The following IL1RAPL1 variants were observed in gnomAD, a reference collection of about 807,000 sequenced individuals.
The protein encoded by IL1RAPL1 is interleukin 1 receptor accessory protein like 1, also known as interleukin-1 receptor accessory protein-like 1.
IL1RAPL1 carries 3 observed loss-of-function variants against 48.4 expected under a neutral mutation model. The observed-to-expected ratio is 0.06, with a 90% CI of 0.03 to 0.16. The LOEUF (loss-of-function observed/expected upper bound fraction) is 0.16, where lower values mean the gene tolerates loss of function less well. Among genes scored for constraint, IL1RAPL1 ranks in the 10% least tolerant of loss-of-function variants. The probability of loss-of-function intolerance (pLI) is 1.00; values close to 1 mark genes in which losing one functional copy is unlikely to be tolerated. For missense variants in IL1RAPL1, 349 were observed against 530.6 expected (o/e 0.66, Z 3.36); for synonymous variants, 185 against 187.7 (o/e 0.99, Z 0.12).
rs747374108 is a variant in IL1RAPL1, at chrX:28,734,425, C to G, written c.-24-54895C>G. 4.5e-5 allele frequency among the ~76,000 whole-genome samples: 5 copies of G among 111,533 alleles called. No individual in the cohort carries two copies. The South Asian group carries it at 1.9e-3, about 43-fold the overall frequency. ...TAGCCACAGTGACACCTCACTGTTTCTGAAACATGCTAGACATGTGCCTAC... is the reference window on the plus strand; with the variant it reads ...TAGCCACAGTGACACCTCACTGTTTGTGAAACATGCTAGACATGTGCCTAC... On this transcript the variant is annotated intron_variant, in intron 1 of 10. Coordinates refer to ENST00000378993, the MANE Select transcript of IL1RAPL1 (RefSeq NM_014271.4).
At chrX:29,173,075 T>G (rs1929939957) in intron 2 of IL1RAPL1, among the ~76,000 whole-genome samples, 1 of 111,275 alleles carries the variant, frequency 9.0e-6, no homozygotes, top group East Asian at 2.8e-4. Flanking sequence ...CAGATCCCAG[T>G]GTACTTGATA....
intron 2 of IL1RAPL1, among the ~76,000 whole-genome samples, chrX:29,137,249 C>T (rs1039289553): frequency 1.8e-5 from 1 of 54,279 alleles, no homozygotes; most frequent in African/African-American, 7.8e-5. Context: ...TACACACACA[C>T]ACTTGCGCTC....
chrX:29,934,382 T>C (rs1361617414), intron 8 of IL1RAPL1, among the ~76,000 whole-genome samples: 1 of 112,134 alleles, frequency 8.9e-6, no homozygotes, highest in Non-Finnish European at 1.9e-5. Context: ...TCTGGGAAGA[T>C]GAAATTGAAG....
chrX:29,773,939 T>A (rs1230118506), intron 6 of IL1RAPL1, among the ~76,000 whole-genome samples: 2 of 112,198 alleles, frequency 1.8e-5, no homozygotes, highest in Non-Finnish European at 3.8e-5. Context: ...TTATGCCTCA[T>A]GCACATGTAA....
At position 29,668,458 on chromosome X, in the gene IL1RAPL1, T is replaced by C; in HGVS notation, c.732T>C (p.Leu244=). 1 of 1,210,052 alleles carries C rather than the reference T, an allele frequency of 8.3e-7. No individual in the cohort carries two copies. The highest frequency in any genetic ancestry group is 1.1e-6 in the Non-Finnish European group (1 of 893,898). Residue 244 remains leucine, a synonymous_variant, in exon 6 of 11, where the codon CTT becomes CTC. Transcript: ENST00000378993. ...TAPLTDKPPK[L]LYPMESKLTI... is the part of the protein sequence containing the mutation. ...CTCTGACTGATAAGCCACCCAAGCT[T>C]TTGTATCCTATGGAAAGTAAACTGA...
chrX:29,001,774 T>C (rs1449538364), intron 2 of IL1RAPL1, among the ~76,000 whole-genome samples: 1 of 111,499 alleles, frequency 9.0e-6, no homozygotes. Context: ...CATTCTGAGA[T>C]CATCAGATAT....
intron 1 of IL1RAPL1, among the ~76,000 whole-genome samples, chrX:28,726,483 T>A (rs1041986107): frequency 2.2e-4 from 25 of 112,491 alleles, no homozygotes; most frequent in African/African-American, 7.8e-4. Flanking sequence ...CCAATATTTT[T>A]GTAGTGACTG....
chrX:29,565,234 A>G (rs1443789273), intron 5 of IL1RAPL1, among the ~76,000 whole-genome samples: 1 of 111,694 alleles, frequency 9.0e-6, no homozygotes, highest in Non-Finnish European at 1.9e-5. Flanking sequence ...TACGCAGGGT[A>G]TGAAATTACT....
intron 1 of IL1RAPL1, among the ~76,000 whole-genome samples, chrX:28,662,741 C>T (rs1018217152): frequency 4.6e-4 from 51 of 111,365 alleles, no homozygotes; most frequent in African/African-American, 1.5e-3. Context: ...CTTTCTCTGT[C>T]GGACAACAAA....
Position 28,953,556 on chromosome X carries a change from C to T in IL1RAPL1, c.82+164131C>T, listed in dbSNP as rs924328519. On this transcript the variant is annotated intron_variant, in intron 2 of 10. Coordinates refer to ENST00000378993, the MANE Select transcript of IL1RAPL1 (RefSeq NM_014271.4). ...TTTAAGTTCTTTATAAAAATACATACATTACAAAGTAATAATACGTAGAGG... is the reference window on the plus strand; with the variant it reads ...TTTAAGTTCTTTATAAAAATACATATATTACAAAGTAATAATACGTAGAGG... Among the ~76,000 whole-genome samples the T allele has an allele frequency of 3.6e-5, 4 of 111,265 alleles. No individual in the cohort carries two copies. The Admixed American group carries it at 3.9e-4, about 11-fold the overall frequency.
At chrX:29,948,678 C>A (rs781238770) in intron 9 of IL1RAPL1, among the ~76,000 whole-genome samples, 1 of 110,484 alleles carries the variant, frequency 9.1e-6, no homozygotes, top group Non-Finnish European at 1.9e-5. Context: ...ATATGCCACA[C>A]TTAAACATAC....
At chrX:29,938,291 A>T (rs1436154503) in intron 8 of IL1RAPL1, among the ~76,000 whole-genome samples, 2 of 112,240 alleles carry the variant, frequency 1.8e-5, no homozygotes, top group Non-Finnish European at 3.8e-5. Context: ...TCTGGAGAAA[A>T]TGAGAGTTCT....
At position 29,906,338 on chromosome X, in the gene IL1RAPL1, A is replaced by AAAAAC. The variant is rs1555934047; in HGVS notation, c.779-11123_779-11122insACAAA. Among the ~76,000 whole-genome samples, 5 of 94,213 alleles carry AAAAAC rather than the reference A, an allele frequency of 5.3e-5. 1 individual carries two copies. In the East Asian group the frequency reaches 1.6e-3, roughly 30 times the overall value. The allele number at this position is 94,213 out of a possible 115,157, so 81.8% of individuals were successfully genotyped here. On this transcript the variant is annotated intron_variant, in intron 6 of 10. Transcript: ENST00000378993. ...TGATAGAGCGAGACTCTGTCTCAAA[A>AAAAAC]AAACAAACAAACAACAAAAAAAAAA...
At chrX:28,644,447 G>A (rs1934584402) in intron 1 of IL1RAPL1, among the ~76,000 whole-genome samples, 1 of 111,389 alleles carries the variant, frequency 9.0e-6, no homozygotes, top group African/African-American at 3.3e-5. Context: ...CCTGAAGGAC[G>A]CAAGCAATTA....
In IL1RAPL1 at chrX:28,980,899, G is replaced by A. The variant is rs1329212575; in HGVS notation, c.82+191474G>A. Reference sequence around the variant, plus strand: ...AGCGCAAGAGTTTGAGTCCAGTCTGGGCAACATAGCAAGATCATGTCTCTA... The same window carrying A: ...AGCGCAAGAGTTTGAGTCCAGTCTGAGCAACATAGCAAGATCATGTCTCTA... On this transcript the variant is annotated intron_variant, in intron 2 of 10. Transcript: ENST00000378993. 3.8e-5 allele frequency among the ~76,000 whole-genome samples: 4 copies of A among 106,100 alleles called. No homozygotes were observed. In the East Asian group the frequency reaches 1.2e-3, roughly 31 times the overall value. The allele number at this position is 106,100 out of a possible 115,157, so 92.1% of individuals were successfully genotyped here.
chrX:29,595,400 A>G (rs1923509079), intron 5 of IL1RAPL1, among the ~76,000 whole-genome samples: 1 of 111,697 alleles, frequency 9.0e-6, no homozygotes, highest in Non-Finnish European at 1.9e-5. Context: ...GCTAACATCT[A>G]TTATTTTTTG....
chrX:29,479,431 ATT>A (rs1569320238), intron 5 of IL1RAPL1, among the ~76,000 whole-genome samples: 2 of 105,893 alleles, frequency 1.9e-5, no homozygotes, highest in East Asian at 5.9e-4. Flanking sequence ...AAAAAAAAAA[ATT>A]AGCATTGTAA....
chrX:29,337,048 C>T (rs1933005900), intron 3 of IL1RAPL1, among the ~76,000 whole-genome samples: 1 of 110,575 alleles, frequency 9.0e-6, no homozygotes, highest in Admixed American at 9.7e-5. Flanking sequence ...TAAGGTCCCC[C>T]CAGTCTCCTC....
intron 5 of IL1RAPL1, among the ~76,000 whole-genome samples, chrX:29,604,767 G>C (rs1482987885): frequency 3.6e-5 from 4 of 111,413 alleles, no homozygotes; most frequent in African/African-American, 1.3e-4. Flanking sequence ...AATAGAAAGT[G>C]CTTTTTTAAC....
Sources: allele counts gnomAD v4.1 joint callset (sites outside exome capture counted in the v4.1 genomes callset), GRCh38; gene constraint gnomAD v4.1.1; transcripts MANE v1.5; gene names NCBI Gene and HGNC (gene_info 2026-07-23, HGNC 2026-07-21).